The following MAGI1 variants were observed in gnomAD, a reference collection of about 807,000 sequenced individuals.
The protein encoded by MAGI1 is membrane-associated guanylate kinase, WW and PDZ domain-containing protein 1.
In MAGI1, 58 loss-of-function variants were observed where a neutral mutation model predicts 139.9. The observed-to-expected ratio is 0.41, with a 90% CI of 0.34 to 0.52. MAGI1 has a LOEUF of 0.52. Ranked by LOEUF, MAGI1 falls within the 20% of genes least tolerant of loss-of-function variation. The pLI is 0.12. For missense variants in MAGI1, 1,874 were observed against 1,901.6 expected (o/e 0.99, Z 0.27); for synonymous variants, 812 against 737.9 (o/e 1.10, Z -1.63).
At chr3:65,863,161 C>G (rs926902568) in intron 1 of MAGI1, among the ~76,000 whole-genome samples, 1 of 152,182 alleles carries the variant, frequency 6.6e-6, no homozygotes, top group Non-Finnish European at 1.5e-5. Flanking sequence ...TGACAAAATT[C>G]GGATCAATCT....
chr3:65,553,259 G>A (rs545990905), intron 2 of MAGI1, among the ~76,000 whole-genome samples: 1 of 151,660 alleles, frequency 6.6e-6, no homozygotes, highest in Admixed American at 6.6e-5. Flanking sequence ...AGTAGCTAGA[G>A]GTAGTTTCTA....
At chr3:66,001,552 A>C (rs1046058643) in intron 1 of MAGI1, among the ~76,000 whole-genome samples, 6 of 152,166 alleles carry the variant, frequency 3.9e-5, no homozygotes, top group Non-Finnish European at 8.8e-5. Context: ...TGGAGGAGGC[A>C]GGTCCGATAA....
chr3:65,548,754 C>T (rs898458479), intron 2 of MAGI1, among the ~76,000 whole-genome samples: 1 of 151,960 alleles, frequency 6.6e-6, no homozygotes, highest in Non-Finnish European at 1.5e-5. Context: ...AACTCATGAC[C>T]TCAAGTAATC....
intron 6 of MAGI1, chr3:65,452,580 A>AG (rs1370550705): frequency 1.3e-5 from 1 of 77,126 alleles, no homozygotes; most frequent in Non-Finnish European, 3.1e-5. Flanking sequence ...GCTCTGTTTC[A>AG]ATTTTTTTTT....
At chr3:65,779,241 C>T (rs570006386) in intron 1 of MAGI1, among the ~76,000 whole-genome samples, 3 of 152,310 alleles carry the variant, frequency 2.0e-5, no homozygotes, top group African/African-American at 4.8e-5. Flanking sequence ...CCTCTTCCAT[C>T]ACACCCAGGG....
chr3:65,639,512 C>T (rs937301181), intron 1 of MAGI1, among the ~76,000 whole-genome samples: 6 of 152,132 alleles, frequency 3.9e-5, no homozygotes, highest in Non-Finnish European at 8.8e-5. Context: ...TATGTGTTAA[C>T]TTGACTGGGC....
At chr3:65,738,550 T>C (rs1329424381) in intron 1 of MAGI1, among the ~76,000 whole-genome samples, 1 of 152,240 alleles carries the variant, frequency 6.6e-6, no homozygotes, top group Admixed American at 6.5e-5. Context: ...ACCAGATCCA[T>C]AGAAGAATCA....
intron 1 of MAGI1, among the ~76,000 whole-genome samples, chr3:65,858,813 T>C (rs2059450249): frequency 6.6e-6 from 1 of 152,264 alleles, no homozygotes; most frequent in South Asian, 2.1e-4. Flanking sequence ...CAACTGCATA[T>C]AAATTAAAAT....
At chr3:65,707,006 A>G (rs1314429462) in intron 1 of MAGI1, among the ~76,000 whole-genome samples, 1 of 152,192 alleles carries the variant, frequency 6.6e-6, no homozygotes, top group Non-Finnish European at 1.5e-5. Context: ...TTTCAAGTGA[A>G]CCACCGTCTC....
At chr3:65,446,927 G>A (rs1948718261) in intron 7 of MAGI1, among the ~76,000 whole-genome samples, 1 of 152,050 alleles carries the variant, frequency 6.6e-6, no homozygotes, top group East Asian at 1.9e-4. Flanking sequence ...ACAGAGCTTG[G>A]TTCTATTCTA....
intron 1 of MAGI1, among the ~76,000 whole-genome samples, chr3:65,676,081 T>C (rs2087171954): frequency 6.6e-6 from 1 of 152,214 alleles, no homozygotes; most frequent in Non-Finnish European, 1.5e-5. Context: ...GACAAGCTTG[T>C]AGTAAAAGCA....
intron 12 of MAGI1, chr3:65,401,733 T>C: frequency 6.8e-7 from 1 of 1,479,514 alleles, no homozygotes; most frequent in Non-Finnish European, 9.0e-7. Flanking sequence ...GGAAAAGAAA[T>C]TCACAGACCT....
intron 1 of MAGI1, among the ~76,000 whole-genome samples, chr3:65,949,216 A>G (rs1185660799): frequency 1.3e-5 from 2 of 152,166 alleles, no homozygotes; most frequent in Non-Finnish European, 2.9e-5. Context: ...TGCATAATAA[A>G]CCTGTGCAAG....
At position 65,696,227 on chromosome 3, in the gene MAGI1, C is replaced by T. The variant is rs192743502; in HGVS notation, c.314-74139G>A. On this transcript the variant is annotated intron_variant, in intron 1 of 22. Transcript: ENST00000402939. ...TATTCAACTCACCTTATCAAGGAGGCCTTCCCTGCTCACCCTATGTAAAGA... is the reference window on the plus strand; with the variant it reads ...TATTCAACTCACCTTATCAAGGAGGTCTTCCCTGCTCACCCTATGTAAAGA... 1.8e-4 allele frequency among the ~76,000 whole-genome samples: 28 copies of T among 152,292 alleles called. 1 individual carries two copies. The highest frequency in any genetic ancestry group is 2.5e-4 in the Non-Finnish European group (17 of 68,016).
chr3:65,556,588 A>G (rs971001519), intron 2 of MAGI1, among the ~76,000 whole-genome samples: 1 of 152,130 alleles, frequency 6.6e-6, no homozygotes, highest in African/African-American at 2.4e-5. Flanking sequence ...AATTCTGACA[A>G]TTTTCCTCCT....
At chr3:65,490,294 G>A (rs1951910675) in intron 3 of MAGI1, among the ~76,000 whole-genome samples, 1 of 152,106 alleles carries the variant, frequency 6.6e-6, no homozygotes, top group Admixed American at 6.6e-5. Flanking sequence ...CTTGCCGGAG[G>A]GCACACAGCT....
chr3:65,931,847 T>A (rs1267512535), intron 1 of MAGI1, among the ~76,000 whole-genome samples: 1 of 149,622 alleles, frequency 6.7e-6, no homozygotes, highest in Non-Finnish European at 1.5e-5. Context: ...AATCACTACC[T>A]ATATTTTTTA....
chr3:65,564,890 G>A (rs1425912372), intron 2 of MAGI1, among the ~76,000 whole-genome samples: 1 of 152,152 alleles, frequency 6.6e-6, no homozygotes, highest in Non-Finnish European at 1.5e-5. Context: ...TGCTTCCAAA[G>A]CCTGTAGACC....
intron 1 of MAGI1, among the ~76,000 whole-genome samples, chr3:65,858,331 A>T (rs9843768): frequency 0.15 from 22,356 of 152,134 alleles, 1,758 homozygotes; most frequent in African/African-American, 0.2. Context: ...GTTGTGATTT[A>T]TAAACATAAT....
Sources: allele counts gnomAD v4.1 joint callset (sites outside exome capture counted in the v4.1 genomes callset), GRCh38; gene constraint gnomAD v4.1.1; transcripts MANE v1.5; gene names NCBI Gene and HGNC (gene_info 2026-07-23, HGNC 2026-07-21).